The following TTC22 variants were observed in gnomAD, a reference collection of about 807,000 sequenced individuals.
TTC22 encodes the protein tetratricopeptide repeat domain 22, also known as tetratricopeptide repeat protein 22.
TTC22 carries 42 observed loss-of-function variants against 48.2 expected under a neutral mutation model. The ratio of observed to expected loss-of-function variants is 0.87; its 90% CI spans 0.68 to 1.13. The LOEUF (loss-of-function observed/expected upper bound fraction) is 1.13. Ranked by LOEUF, TTC22 falls within the 50% of genes most tolerant of loss-of-function variation. The pLI, the probability that TTC22 is intolerant of heterozygous loss-of-function variation, is 0.00. For missense variants in TTC22, 784 were observed against 807.0 expected, an observed-to-expected ratio of 0.97 and a Z score of 0.34; for synonymous variants, 345 against 365.5, an observed-to-expected ratio of 0.94 and a Z score of 0.64.
Position 54,781,756 on chromosome 1 carries a change from G to A in TTC22, c.1197C>T (p.Asp399=). ...CCACCGCCAGCAGCTCCTGCACCGCGTCCACGCCCATATAGTAGTAGACCT... is the reference window on the plus strand; with the variant it reads ...CCACCGCCAGCAGCTCCTGCACCGCATCCACGCCCATATAGTAGTAGACCT... ...IGQVYYYMGV[D]AVQELLAVDE... is the part of the protein sequence containing the mutation. The change falls in exon 7 of 7, where the codon GAC becomes GAT. Residue 399 remains aspartate, a synonymous_variant. Transcript: ENST00000371276. The A allele has an allele frequency of 1.3e-6, 2 of 1,488,952 alleles. No homozygotes were observed. Among genetic ancestry groups the A allele is most frequent in the Non-Finnish European group, 1.8e-6 (2 of 1,122,954 alleles). The allele number at this position is 1,488,952 out of a possible 1,614,324, so 92.2% of individuals were successfully genotyped here. A position where few individuals can be genotyped will look rare whatever the true frequency, so the allele number is the denominator to read the frequency against.
chr1:54,790,813 C>A (rs1646344781), intron 1 of TTC22, among the ~76,000 whole-genome samples: 2 of 151,992 alleles, frequency 1.3e-5, no homozygotes, highest in African/African-American at 4.8e-5. Context: ...TCTTCTTCTT[C>A]TTTTTCCTTC....
intron 5 of TTC22, chr1:54,784,628 A>G: frequency 9.1e-7 from 1 of 1,099,974 alleles, no homozygotes. Flanking sequence ...ATCTAGAATA[A>G]TAACCACATC....
chr1:54,781,842 C>G, intron 6 of TTC22, 63 bp from the exon 7 acceptor site: 5 of 1,356,664 alleles, frequency 3.7e-6, no homozygotes, highest in Non-Finnish European at 4.8e-6. Flanking sequence ...CATTCCCGCC[C>G]CACGCTTGCT....
intron 1 of TTC22, among the ~76,000 whole-genome samples, chr1:54,796,391 G>A (rs543324347): frequency 1.3e-5 from 2 of 152,352 alleles, no homozygotes; most frequent in East Asian, 1.9e-4. Flanking sequence ...GGACAGCCCC[G>A]TGTGCACTGG....
chr1:54,801,173 C>G lies in TTC22; in HGVS notation c.-10G>C, dbSNP rs200366172. 507 of 1,609,470 alleles carry G rather than the reference C, an allele frequency of 3.2e-4. No individual in the cohort carries two copies. Among genetic ancestry groups the G allele is most frequent in the Middle Eastern group, 9.9e-4 (6 of 6,040 alleles). ...CCTCCAGCTCCGCCATGACTGCTCC[C>G]TCTGCTCCCCTGGCCTCACCCTTGT... On this transcript the variant is annotated 5_prime_UTR_variant, in exon 1 of 7. Coordinates refer to ENST00000371276, the MANE Select transcript of TTC22 (RefSeq NM_001114108.2).
At position 54,800,960 on chromosome 1, in the gene TTC22, C is replaced by G; in HGVS notation, c.204G>C (p.Val68=). The G allele has an allele frequency of 1.2e-6, 2 of 1,604,802 alleles. No individual in the cohort carries two copies. Among genetic ancestry groups the G allele is most frequent in the Non-Finnish European group, 8.5e-7 (1 of 1,177,388 alleles). The change falls in exon 1 of 7, where the codon GTG becomes GTC. Residue 68 remains valine (V), a synonymous_variant. Transcript: ENST00000371276. ...QLAAAPQRPA[V]RHLLGAFAFY... ...ATGCGAAAGCGCCCAGGAGGTGACG[C>G]ACAGCGGGGCGCTGCGGGGCGGCCG... is the stretch of plus-strand genomic sequence containing the variant.
In TTC22 at chr1:54,786,983, T is replaced by C; in HGVS notation, c.832A>G (p.Thr278Ala). 1.3e-6 allele frequency: 2 copies of C among 1,557,598 alleles called. No individual in the cohort carries two copies. The highest frequency in any genetic ancestry group is 1.7e-6 in the Non-Finnish European group (2 of 1,152,266). ...TTGCCGAAGCAGTCTAGAGGGTCGGTCCCTGAGTACCCGCAGTCATGGACG... is the reference window on the plus strand; with the variant it reads ...TTGCCGAAGCAGTCTAGAGGGTCGGCCCCTGAGTACCCGCAGTCATGGACG... ...MGVHDCGYSG[T>A]DPLDCFGKAI... The change falls in exon 4 of 7, where the codon ACC (threonine) becomes GCC (alanine). Residue 278 changes from threonine (T) to alanine (A), a missense_variant. By Grantham distance (58) the Thr-to-Ala change is moderately conservative (BLOSUM62 0). Coordinates refer to ENST00000371276, the MANE Select transcript of TTC22 (RefSeq NM_001114108.2).
intron 5 of TTC22, among the ~76,000 whole-genome samples, chr1:54,784,129 G>A (rs1054991605): frequency 6.6e-6 from 1 of 152,254 alleles, no homozygotes; most frequent in African/African-American, 2.4e-5. Context: ...TCTGGGAGAA[G>A]AGCATTCCAG....
At chr1:54,781,843 C>A in intron 6 of TTC22, 64 bp from the exon 7 acceptor site, 1 of 1,355,178 alleles carries the variant, frequency 7.4e-7, no homozygotes. Flanking sequence ...ATTCCCGCCC[C>A]ACGCTTGCTT....
At chr1:54,797,747 ACTTTTATAATGTTTT>A (rs1646403561) in intron 1 of TTC22, among the ~76,000 whole-genome samples, 1 of 152,236 alleles carries the variant, frequency 6.6e-6, no homozygotes, top group Admixed American at 6.5e-5. Context: ...TGAATGATTA[ACTTTTATAATGTTTT>A]CTTTTATAAT....
Position 54,787,070 on chromosome 1 carries a change from C to A in TTC22, c.745G>T (p.Ala249Ser). The change falls in exon 4 of 7, where the codon GCC becomes TCC. Residue 249 changes from alanine (A) to serine (S), a missense_variant. Transcript: ENST00000371276. ...KSEDPRHRAL[A>S]WCYLGMLLER... ...AGCAGCATCCCGAGGTAGCACCAGGCCAGGGCTGGGGGTGAAGGGTGGGAG... is the reference window on the plus strand; with the variant it reads ...AGCAGCATCCCGAGGTAGCACCAGGACAGGGCTGGGGGTGAAGGGTGGGAG... 6.6e-7 allele frequency: 1 copy of A among 1,508,456 alleles called. No homozygotes were observed. 93.4% of individuals were successfully genotyped at this position (1,508,456 alleles called of 1,614,324 possible). A position where few individuals can be genotyped will look rare whatever the true frequency, so the allele number is the denominator to read the frequency against.
chr1:54,786,176 C>T, intron 4 of TTC22, 32 bp from the exon 5 acceptor site: 1 of 1,607,914 alleles, frequency 6.2e-7, no homozygotes, highest in South Asian at 1.1e-5. Context: ...AAACAAACCA[C>T]TTGCTTGGTC....
rs766599653 is a variant in TTC22, at chr1:54,786,035, T to C, written c.968A>G (p.Asp323Gly). Residue 323 changes from aspartate to glycine, a missense_variant, in exon 5 of 7, where the codon GAT (aspartate) becomes GGT (glycine). Coordinates refer to ENST00000371276, the MANE Select transcript of TTC22 (RefSeq NM_001114108.2). ...GTTGAGTTCTGGATCTCGTAGGACA[T>C]CCAGGGCCATGTTGCAGGTTCCAAT... ...MAIGTCNMAL[D>G]VLRDPELNWQ... The C allele has an allele frequency of 2.0e-5, 33 of 1,614,100 alleles. No homozygotes were observed. The South Asian group carries it at 3.2e-4, about 16-fold the overall frequency.
Position 54,780,951 on chromosome 1 carries a change from CTTA to C in TTC22, c.*289_*291del, listed in dbSNP as rs1646256640. 1 of 300,056 alleles carries C rather than the reference CTTA, an allele frequency of 3.3e-6. No individual in the cohort carries two copies. Among genetic ancestry groups the C allele is most frequent in the Admixed American group, 5.2e-5 (1 of 19,388 alleles). 18.6% of individuals were successfully genotyped at this position (300,056 alleles called of 1,614,324 possible). On this transcript the variant is annotated 3_prime_UTR_variant, in exon 7 of 7. Coordinates refer to ENST00000371276, the MANE Select transcript of TTC22 (RefSeq NM_001114108.2). ...TTTCTCTCAGAAGCCTCACAACCAT[CTTA>C]TTTTACCTGTATGTCTAGAAAATTC...
chr1:54,784,307 C>T (rs1439044655), intron 5 of TTC22, among the ~76,000 whole-genome samples: 10 of 152,318 alleles, frequency 6.6e-5, no homozygotes, highest in Admixed American at 1.3e-4. Flanking sequence ...CTCCACCATC[C>T]TGTGCTCCTC....
At chr1:54,786,649 A>T (rs1646303921) in intron 4 of TTC22, 1 of 307,978 alleles carries the variant, frequency 3.2e-6, no homozygotes, top group South Asian at 1.3e-4. Flanking sequence ...TCTTTCTACT[A>T]TGCCACTGGG....
chr1:54,800,540 G>A (rs1646425024), intron 1 of TTC22, 57 bp downstream of exon 1: 1 of 1,357,850 alleles, frequency 7.4e-7, no homozygotes, highest in Admixed American at 3.3e-5. Flanking sequence ...AGACAGAAGG[G>A]ACCATGGGAG....
chr1:54,797,383 C>T (rs140087497), intron 1 of TTC22, among the ~76,000 whole-genome samples: 81 of 152,252 alleles, frequency 5.3e-4, no homozygotes, highest in African/African-American at 2.0e-3. Flanking sequence ...AGAAATGTGG[C>T]TGGGCGCGGT....
chr1:54,789,388 G>A (rs1209922378), intron 1 of TTC22, among the ~76,000 whole-genome samples: 1 of 152,262 alleles, frequency 6.6e-6, no homozygotes, highest in African/African-American at 2.4e-5. Context: ...AGACGTTGGG[G>A]ATGGGCAGCT....
Sources: allele counts gnomAD v4.1 joint callset (sites outside exome capture counted in the v4.1 genomes callset), GRCh38; gene constraint gnomAD v4.1.1; transcripts MANE v1.5; gene names NCBI Gene and HGNC (gene_info 2026-07-23, HGNC 2026-07-21).